The following MEI4 variants were observed in gnomAD, a reference collection of about 807,000 sequenced individuals.
The protein encoded by MEI4 is meiosis-specific protein MEI4.
A neutral mutation model predicts 31.4 loss-of-function variants in MEI4; 27 were observed. The observed-to-expected ratio is 0.86, with a 90% confidence interval of 0.63 to 1.19. The LOEUF is 1.19. MEI4 is among the 50% of genes most tolerant of loss of function. The probability of loss-of-function intolerance (pLI) is 0.00; values close to 1 mark genes in which losing one functional copy is unlikely to be tolerated. For missense variants in MEI4, 329 were observed against 398.9 expected (o/e 0.82, Z 1.49); for synonymous variants, 122 against 145.4 (o/e 0.84, Z 1.16).
chr6:77,846,329 A>G (rs1305791924), intron 4 of MEI4, among the ~76,000 whole-genome samples: 1 of 151,796 alleles, frequency 6.6e-6, no homozygotes, highest in African/African-American at 2.4e-5. Context: ...TTTTTTTGTC[A>G]TTCGATGTGT....
At chr6:77,685,635 C>T (rs1271613784) in intron 1 of MEI4, among the ~76,000 whole-genome samples, 2 of 151,832 alleles carry the variant, frequency 1.3e-5, no homozygotes, top group African/African-American at 4.8e-5. Flanking sequence ...CCATGTTATG[C>T]AGCTCTTTCC....
rs541222012 is a variant in MEI4, at chr6:77,697,342, C to G, written c.232+6439C>G. 1.6e-3 allele frequency among the ~76,000 whole-genome samples: 241 copies of G among 152,154 alleles called. 1 individual carries two copies. Among genetic ancestry groups the G allele is most frequent in the Non-Finnish European group, 6.3e-4 (43 of 68,002 alleles). ...TGTGTTTGCTCTTGCTTTTCTTGTT[C>G]TTTTAATTGTGATGTTAGGGTGTCA... is the stretch of plus-strand genomic sequence containing the variant. On this transcript the variant is annotated intron_variant, in intron 2 of 4. Transcript: ENST00000684080.
chr6:77,860,746 C>G (rs745732980), intron 4 of MEI4, among the ~76,000 whole-genome samples: 5 of 152,108 alleles, frequency 3.3e-5, no homozygotes, highest in African/African-American at 4.8e-5. Flanking sequence ...AAGCTCTCCA[C>G]TTTTCACGGT....
At chr6:77,780,176 A>T (rs1768556848) in intron 3 of MEI4, among the ~76,000 whole-genome samples, 1 of 152,190 alleles carries the variant, frequency 6.6e-6, no homozygotes, top group Non-Finnish European at 1.5e-5. Flanking sequence ...GGAGGTTTGC[A>T]TAGCTTCAGT....
At chr6:77,841,333 A>ATTTTTTTTTTTTTTTTTT (rs1239589008) in intron 4 of MEI4, among the ~76,000 whole-genome samples, 1 of 27,748 alleles carries the variant, frequency 3.6e-5, no homozygotes, top group East Asian at 2.2e-3. Flanking sequence ...ATATATATAT[A>ATTTTTTTTTTTTTTTTTT]TTTTTTTTTT....
intron 2 of MEI4, among the ~76,000 whole-genome samples, chr6:77,713,279 G>A (rs1466637813): frequency 6.6e-6 from 1 of 152,100 alleles, no homozygotes; most frequent in East Asian, 1.9e-4. Context: ...TGTCACATAG[G>A]CAACAAATAA....
chr6:77,803,848 A>T (rs1769347476), intron 3 of MEI4, among the ~76,000 whole-genome samples: 1 of 152,112 alleles, frequency 6.6e-6, no homozygotes, highest in Admixed American at 6.5e-5. Flanking sequence ...GTCTCAGAGG[A>T]GTACCCAGCC....
At chr6:77,762,039 A>G (rs557520210) in intron 3 of MEI4, among the ~76,000 whole-genome samples, 2 of 152,200 alleles carry the variant, frequency 1.3e-5, no homozygotes, top group Non-Finnish European at 2.9e-5. Flanking sequence ...TTCCAAACTT[A>G]ACGTCTGTGA....
At chr6:77,837,024 A>C (rs548617169) in intron 4 of MEI4, among the ~76,000 whole-genome samples, 1 of 152,192 alleles carries the variant, frequency 6.6e-6, no homozygotes, top group Admixed American at 6.5e-5. Flanking sequence ...ATTAGGTGTA[A>C]ATGAAACAAG....
At chr6:77,743,588 CCTGT>C (rs1282561964) in intron 2 of MEI4, among the ~76,000 whole-genome samples, 2 of 152,090 alleles carry the variant, frequency 1.3e-5, no homozygotes, top group African/African-American at 2.4e-5. Context: ...CTTAAATGTC[CCTGT>C]CTGTCAGCTT....
intron 2 of MEI4, among the ~76,000 whole-genome samples, chr6:77,697,344 T>A (rs1766077272): frequency 6.6e-6 from 1 of 152,180 alleles, no homozygotes; most frequent in Non-Finnish European, 1.5e-5. Context: ...TTCTTGTTCT[T>A]TTAATTGTGA....
At chr6:77,677,757 G>C (rs1768871437) in intron 1 of MEI4, among the ~76,000 whole-genome samples, 1 of 152,130 alleles carries the variant, frequency 6.6e-6, no homozygotes, top group Admixed American at 6.5e-5. Context: ...AGGAAAATAA[G>C]TTTAGCAGAA....
chr6:77,669,335 T>C (rs1238442145), intron 1 of MEI4, among the ~76,000 whole-genome samples: 3 of 152,192 alleles, frequency 2.0e-5, no homozygotes, highest in African/African-American at 7.2e-5. Flanking sequence ...GGATTTTTAA[T>C]AGTTGTTTCA....
chr6:77,814,897 T>C (rs1388921067), intron 3 of MEI4, among the ~76,000 whole-genome samples: 1 of 152,124 alleles, frequency 6.6e-6, no homozygotes, highest in Non-Finnish European at 1.5e-5. Context: ...TCCTTAACCT[T>C]GGCAAAATAA....
At chr6:77,914,553 T>C (rs1766500519) in intron 4 of MEI4, among the ~76,000 whole-genome samples, 1 of 152,100 alleles carries the variant, frequency 6.6e-6, no homozygotes, top group Admixed American at 6.6e-5. Flanking sequence ...ATAACTTATA[T>C]TCATGGAAGA....
intron 4 of MEI4, among the ~76,000 whole-genome samples, chr6:77,876,567 A>G (rs1771345777): frequency 6.6e-6 from 1 of 152,162 alleles, no homozygotes; most frequent in South Asian, 2.1e-4. Flanking sequence ...AGTAGCAGGA[A>G]ATGGACTAAG....
At chr6:77,878,555 C>T (rs1411822095) in intron 4 of MEI4, among the ~76,000 whole-genome samples, 1 of 152,066 alleles carries the variant, frequency 6.6e-6, no homozygotes, top group Non-Finnish European at 1.5e-5. Context: ...AGAATGTTAA[C>T]ATCCTAAATC....
At chr6:77,883,745 A>ATATATATAAT (rs55947073) in intron 4 of MEI4, among the ~76,000 whole-genome samples, 1 of 82,302 alleles carries the variant, frequency 1.2e-5, no homozygotes, top group Non-Finnish European at 2.4e-5. Flanking sequence ...TATATATATA[A>ATATATATAAT]CTTTGTCTTT....
At chr6:77,921,859 G>A (rs1289416915) in intron 4 of MEI4, among the ~76,000 whole-genome samples, 1 of 151,700 alleles carries the variant, frequency 6.6e-6, no homozygotes, top group Non-Finnish European at 1.5e-5. Flanking sequence ...ATGGTTTGTG[G>A]TATCTCAAAA....
Sources: allele counts gnomAD v4.1 joint callset (sites outside exome capture counted in the v4.1 genomes callset), GRCh38; gene constraint gnomAD v4.1.1; transcripts MANE v1.5; gene names NCBI Gene and HGNC (gene_info 2026-07-23, HGNC 2026-07-21).